The following CLEC2B variants were observed in gnomAD, a reference collection of about 807,000 sequenced individuals.
CLEC2B encodes the protein C-type (calcium dependent, carbohydrate-recognition domain) lectin, superfamily member 2 (activation-induced).
A neutral mutation model predicts 16.2 loss-of-function variants in CLEC2B; 14 were observed. The observed-to-expected ratio is 0.86, with a 90% CI of 0.57 to 1.35. The LOEUF (loss-of-function observed/expected upper bound fraction) is 1.35, where lower values mean the gene tolerates loss of function less well. CLEC2B is among the 40% of genes most tolerant of loss of function. CLEC2B has a pLI of 0.00. For missense variants in CLEC2B, 166 were observed against 182.3 expected (o/e 0.91, Z 0.52); for synonymous variants, 42 against 55.8 (o/e 0.75, Z 1.10).
At chr12:9,860,611 A>G (rs192592194) in intron 2 of CLEC2B, among the ~76,000 whole-genome samples, 1 of 151,898 alleles carries the variant, frequency 6.6e-6, no homozygotes, top group Non-Finnish European at 1.5e-5. Flanking sequence ...AAAATTACAG[A>G]TAATTTATAT....
intron 1 of CLEC2B, among the ~76,000 whole-genome samples, chr12:9,865,280 A>G (rs1867963336): frequency 6.6e-6 from 1 of 152,118 alleles, no homozygotes; most frequent in Non-Finnish European, 1.5e-5. Context: ...CTTCACCTAT[A>G]AAGACACACA....
In CLEC2B at chr12:9,855,822, T is replaced by A. The variant is rs539454679; in HGVS notation, c.238-1338A>T. Among the ~76,000 whole-genome samples the A allele has an allele frequency of 2.6e-5, 4 of 152,242 alleles. No homozygotes were observed. The East Asian group carries it at 7.7e-4, about 29-fold the overall frequency. On this transcript the variant is annotated intron_variant, in intron 3 of 4. Coordinates refer to ENST00000228438, the MANE Select transcript of CLEC2B (RefSeq NM_005127.3). The stretch of plus-strand genomic sequence containing the variant: ...TGGAAATAGATATAAAAATATTTTG[T>A]AAGACAAACTTTATCTCATATTATT...
chr12:9,860,746 T>C (rs970132565), intron 2 of CLEC2B, among the ~76,000 whole-genome samples: 8 of 151,862 alleles, frequency 5.3e-5, no homozygotes, highest in African/African-American at 1.7e-4. Flanking sequence ...CAGAATGATA[T>C]AGATACAAAG....
At chr12:9,854,924 C>A in intron 3 of CLEC2B, 1 of 172,602 alleles carries the variant, frequency 5.8e-6, no homozygotes. Flanking sequence ...TAGGTAAATA[C>A]ACACACATAC....
intron 3 of CLEC2B, 155 bp from the exon 4 acceptor site, chr12:9,854,639 T>C (rs74935134): frequency 0.019 from 10,194 of 524,744 alleles, 150 homozygotes; most frequent in African/African-American, 0.041. Flanking sequence ...AAAAGTACTT[T>C]ATTTTTCCTC....
At chr12:9,859,537 T>TA (rs1465909599) in intron 2 of CLEC2B, among the ~76,000 whole-genome samples, 1 of 151,836 alleles carries the variant, frequency 6.6e-6, no homozygotes, top group East Asian at 1.9e-4. Context: ...TATATCTAGT[T>TA]AAAAAATTAA....
intron 1 of CLEC2B, among the ~76,000 whole-genome samples, chr12:9,866,278 A>C (rs984529848): frequency 6.6e-6 from 1 of 152,278 alleles, no homozygotes. Context: ...TTTCAATGCC[A>C]TGAATCAAGT....
intron 1 of CLEC2B, among the ~76,000 whole-genome samples, chr12:9,868,375 G>A (rs1283847842): frequency 6.6e-6 from 1 of 151,890 alleles, no homozygotes; most frequent in Non-Finnish European, 1.5e-5. Flanking sequence ...TTAAAATACG[G>A]GAGGAAGGAT....
chr12:9,859,919 T>A (rs1294671915), intron 2 of CLEC2B, among the ~76,000 whole-genome samples: 1 of 151,700 alleles, frequency 6.6e-6, no homozygotes, highest in Non-Finnish European at 1.5e-5. Flanking sequence ...ATCTGTGTAG[T>A]TCTACATATT....
At chr12:9,856,251 A>T (rs1249803406) in intron 3 of CLEC2B, among the ~76,000 whole-genome samples, 3 of 151,726 alleles carry the variant, frequency 2.0e-5, no homozygotes, top group Non-Finnish European at 2.9e-5. Flanking sequence ...TTTTATTAAC[A>T]CTCATTATTT....
chr12:9,852,475 A>C lies in CLEC2B; in HGVS notation c.*825T>G, dbSNP rs1170251637. The stretch of plus-strand genomic sequence containing the variant: ...GTAAAACCAGTTTTGCAGTCACAGT[A>C]GGTTGTTTTAATAGCTGTTAGATAA... On this transcript the variant is annotated 3_prime_UTR_variant, in exon 5 of 5. Transcript: ENST00000228438. 6.6e-6 allele frequency among the ~76,000 whole-genome samples: 1 copy of C among 152,340 alleles called. No homozygotes were observed. The highest frequency in any genetic ancestry group is 1.9e-4 in the East Asian group (1 of 5,184).
chr12:9,857,193 T>C (rs1434598807), intron 3 of CLEC2B: 1 of 235,018 alleles, frequency 4.3e-6, no homozygotes, highest in Non-Finnish European at 8.1e-6. Flanking sequence ...TGGTGGAGTA[T>C]TGGCTCTTAA....
At chr12:9,853,714 A>AT (rs1273286733) in intron 4 of CLEC2B, among the ~76,000 whole-genome samples, 2 of 152,016 alleles carry the variant, frequency 1.3e-5, no homozygotes, top group Admixed American at 6.6e-5. Context: ...CAGTATTTGG[A>AT]TTTTTTTTAT....
intron 1 of CLEC2B, chr12:9,867,358 A>G (rs2136982568): frequency 6.6e-6 from 1 of 152,324 alleles, no homozygotes; most frequent in Non-Finnish European, 1.5e-5. Context: ...CATTTATTGC[A>G]TGTCTGAATA....
At chr12:9,865,035 T>C (rs1202521076) in intron 1 of CLEC2B, among the ~76,000 whole-genome samples, 1 of 151,760 alleles carries the variant, frequency 6.6e-6, no homozygotes, top group Admixed American at 6.6e-5. Context: ...ATACAAAACT[T>C]AGCTTGGTGT....
intron 1 of CLEC2B, among the ~76,000 whole-genome samples, chr12:9,862,888 G>A (rs117565785): frequency 6.6e-6 from 1 of 152,256 alleles, no homozygotes; most frequent in East Asian, 1.9e-4. Flanking sequence ...GTGAGATCAA[G>A]ATGGATAACC....
chr12:9,864,186 T>C (rs1389370812), intron 1 of CLEC2B, among the ~76,000 whole-genome samples: 3 of 142,402 alleles, frequency 2.1e-5, no homozygotes, highest in Non-Finnish European at 4.5e-5. Flanking sequence ...AACCCTGCCA[T>C]CTAAGAATAC....
chr12:9,854,703 A>G (rs1269917829), intron 3 of CLEC2B: 3 of 503,666 alleles, frequency 6.0e-6, no homozygotes, highest in East Asian at 6.5e-5. Flanking sequence ...TTCTTTAGAT[A>G]TGATTCCAAA....
intron 2 of CLEC2B, among the ~76,000 whole-genome samples, chr12:9,858,518 G>A (rs191081254): frequency 2.0e-5 from 3 of 152,112 alleles, no homozygotes; most frequent in Non-Finnish European, 2.9e-5. Flanking sequence ...GAGATATGGT[G>A]TTAGTTTTTC....
Sources: allele counts gnomAD v4.1 joint callset (sites outside exome capture counted in the v4.1 genomes callset), GRCh38; gene constraint gnomAD v4.1.1; transcripts MANE v1.5; gene names NCBI Gene and HGNC (gene_info 2026-07-23, HGNC 2026-07-21).